Variants in STK11IP observed in about 807,000 individuals in gnomAD.
STK11IP encodes the protein serine/threonine kinase 11 interacting protein, also known as serine/threonine-protein kinase 11-interacting protein.
Under a neutral mutation model 131.7 loss-of-function variants are expected in STK11IP, and 103 were observed. The observed-to-expected ratio is 0.78, with a 90% CI of 0.67 to 0.92. STK11IP has a LOEUF of 0.92. Ranked by LOEUF, STK11IP falls within the 40% of genes least tolerant of loss-of-function variation. The pLI is 0.00. For synonymous variants in STK11IP, 557 were observed against 575.6 expected (o/e 0.97, Z 0.46); for missense variants, 1,315 against 1,385.7 (o/e 0.95, Z 0.81).
Position 219,612,051 on chromosome 2 carries a change from G to A in STK11IP, c.2432G>A (p.Cys811Tyr). The A allele has an allele frequency of 6.2e-7, 1 of 1,600,294 alleles. No individual in the cohort carries two copies. Among genetic ancestry groups the A allele is most frequent in the Non-Finnish European group, 8.5e-7 (1 of 1,174,108 alleles). The change falls in exon 19 of 25, where the codon TGC becomes TAC. Residue 811 changes from cysteine to tyrosine, a missense_variant. Physicochemically the swap from Cys to Tyr is radical, Grantham distance 194. Coordinates refer to ENST00000456909, the MANE Select transcript of STK11IP (RefSeq NM_052902.4). ...FSDAQEEFQC[C>Y]LKVPVALAGH... ...GATGCCCAGGAGGAGTTCCAGTGCT[G>A]CCTCAAGGTCTGTGCTCCCTGACAC... is the stretch of plus-strand genomic sequence containing the variant.
rs943830012 is a variant in STK11IP at position 219,606,459 on chromosome 2, T to C, written c.946-17T>C. ...GGGCCTACCACATACTCCCTCCCCC[T>C]TTTTGTCTTTGCTCAGTTCCTTCTC... is the stretch of plus-strand genomic sequence containing the variant. On this transcript the variant is annotated splice_polypyrimidine_tract_variant and intron_variant, in intron 10 of 24. Coordinates refer to ENST00000456909, the MANE Select transcript of STK11IP (RefSeq NM_052902.4). 1.2e-6 allele frequency: 2 copies of C among 1,608,806 alleles called. No homozygotes were observed. Among genetic ancestry groups the C allele is most frequent in the African/African-American group, 1.3e-5 (1 of 74,846 alleles).
intron 7 of STK11IP, among the ~76,000 whole-genome samples, chr2:219,604,784 C>T (rs1698096486): frequency 6.6e-6 from 1 of 151,218 alleles, no homozygotes; most frequent in Non-Finnish European, 1.5e-5. Context: ...CGGTTATTTC[C>T]CTGAACAGAG....
At chr2:219,606,662 A>G in intron 11 of STK11IP, 50 bp from the exon 12 acceptor site, 1 of 1,594,766 alleles carries the variant, frequency 6.3e-7, no homozygotes. Context: ...GGCAAGGCAG[A>G]GGTGCTCCCA....
chr2:219,615,532 C>T (rs76445422), intron 24 of STK11IP, among the ~76,000 whole-genome samples, 191 bp downstream of exon 24: 2 of 138,390 alleles, frequency 1.4e-5, no homozygotes, highest in African/African-American at 5.3e-5. Context: ...GTCAGGGAGG[C>T]AGCTGTAGGC....
In STK11IP at chr2:219,613,175, G is replaced by T; in HGVS notation, c.2487G>T (p.Val829=). 1 of 1,609,858 alleles carries T rather than the reference G, an allele frequency of 6.2e-7. No individual in the cohort carries two copies. Among genetic ancestry groups the T allele is most frequent in the Non-Finnish European group, 8.5e-7 (1 of 1,178,096 alleles). ...ACACTGGGGAGTTCATGTGCCTTGT[G>T]GTTGTGTCTGACCGCAGGCTGTACC... ...AGHTGEFMCL[V]VVSDRRLYLL... is the part of the protein sequence containing the mutation. Residue 829 remains valine, a synonymous_variant, in exon 20 of 25, where the codon GTG becomes GTT. Coordinates refer to ENST00000456909, the MANE Select transcript of STK11IP (RefSeq NM_052902.4).
At position 219,606,203 on chromosome 2, in the gene STK11IP, G is replaced by A. The variant is rs529674426; in HGVS notation, c.858G>A (p.Leu286=). Residue 286 remains leucine, a synonymous_variant, in exon 10 of 25, where the codon CTG becomes CTA. Coordinates refer to ENST00000456909, the MANE Select transcript of STK11IP (RefSeq NM_052902.4). ...WLLAELRKLY[L]EGNPLWFHPE... The stretch of plus-strand genomic sequence containing the variant: ...CCCTTCCTGCCCCTCAGCTCTACCT[G>A]GAGGGGAACCCTCTTTGGTTCCACC... The A allele has an allele frequency of 3.2e-6, 5 of 1,564,580 alleles. No homozygotes were observed. The East Asian group carries it at 1.2e-4, about 37-fold the overall frequency.
intron 9 of STK11IP, 59 bp downstream of exon 9, chr2:219,606,118 G>T: frequency 6.5e-7 from 1 of 1,544,632 alleles, no homozygotes; most frequent in South Asian, 1.2e-5. Context: ...CCCCCATGCT[G>T]GTTTGGTCAG....
In STK11IP at chr2:219,614,161, A is replaced by T; in HGVS notation, c.2717A>T (p.Asp906Val). The T allele has an allele frequency of 6.2e-7, 1 of 1,613,478 alleles. No individual in the cohort carries two copies. The highest frequency in any genetic ancestry group is 2.2e-5 in the East Asian group (1 of 44,888). Residue 906 changes from aspartate to valine, a missense_variant and splice_region_variant, in exon 22 of 25, where the codon GAT becomes GTT. Physicochemically the swap from Asp to Val is radical, Grantham distance 152. Coordinates refer to ENST00000456909, the MANE Select transcript of STK11IP (RefSeq NM_052902.4). The stretch of plus-strand genomic sequence containing the variant: ...AGTTCCCTGGCCTGCCTCTGTCTAG[A>T]TGTCTTGCAGTCTCTGCCCCCTGCC... ...HCRAFLEELL[D>V]VLQSLPPAWR...
At position 219,601,239 on chromosome 2, in the gene STK11IP, T is replaced by C; in HGVS notation, c.66T>C (p.Asp22=). Residue 22 remains aspartate (D), a synonymous_variant, in exon 3 of 25, where the codon GAT becomes GAC. Transcript: ENST00000456909. ...TGTTTGCCCCTTTTTCTGCAGGGGA[T>C]GTGGTCCTGTCTGGCTGTAGCACCC... is the stretch of plus-strand genomic sequence containing the variant. ...KLAGLLRESG[D]VVLSGCSTLS... is the part of the protein sequence containing the mutation. 1 of 1,611,364 alleles carries C rather than the reference T, an allele frequency of 6.2e-7. No individual in the cohort carries two copies. Among genetic ancestry groups the C allele is most frequent in the Non-Finnish European group, 8.5e-7 (1 of 1,177,746 alleles).
In STK11IP at chr2:219,609,414, G is replaced by T; in HGVS notation, c.1978G>T (p.Gly660Trp). ...PVTNVAREQLGEARDLLLGRF... is the reference protein window; with the variant it reads ...PVTNVAREQLWEARDLLLGRF... ...CACCAATGTGGCTCGGGAACAGCTTGGGGAGGCCAGGGACCTCCTGCTGGG... is the reference window on the plus strand; with the variant it reads ...CACCAATGTGGCTCGGGAACAGCTTTGGGAGGCCAGGGACCTCCTGCTGGG... The change falls in exon 17 of 25, where the codon GGG (glycine) becomes TGG (tryptophan). Residue 660 changes from glycine to tryptophan, a missense_variant. Transcript: ENST00000456909. 6.2e-7 allele frequency: 1 copy of T among 1,613,260 alleles called. No homozygotes were observed. The highest frequency in any genetic ancestry group is 1.3e-5 in the African/African-American group (1 of 75,064).
In STK11IP at chr2:219,597,931, T is replaced by G. The variant is rs927597859; in HGVS notation, c.-27+8T>G. 3 of 1,612,164 alleles carry G rather than the reference T, an allele frequency of 1.9e-6. No homozygotes were observed. Among genetic ancestry groups the G allele is most frequent in the Non-Finnish European group, 8.5e-7 (1 of 1,179,158 alleles). The stretch of plus-strand genomic sequence containing the variant: ...ACCAGACGGGGAGGTTCGGTATGTC[T>G]GACCAGGACTTATGTTCCTCGAAAG... On this transcript the variant is annotated splice_region_variant and intron_variant, in intron 1 of 24. Coordinates refer to ENST00000456909, the MANE Select transcript of STK11IP (RefSeq NM_052902.4).
In STK11IP at chr2:219,609,098, G is replaced by T. The variant is rs1698302364; in HGVS notation, c.1811G>T (p.Gly604Val). 3.1e-6 allele frequency: 5 copies of T among 1,592,288 alleles called. No individual in the cohort carries two copies. Among genetic ancestry groups the T allele is most frequent in the East Asian group, 2.3e-5 (1 of 43,810 alleles). ...AQAQRSPRPT[G>V]SDLLPGAPIL... ...CCCGGTCCCCCTCTTGCTGCGCAGG[G>T]CTCAGATCTGCTCCCTGGAGCCCCC... Residue 604 changes from glycine (G) to valine (V), a missense_variant and splice_region_variant, in exon 16 of 25, where the codon GGC becomes GTC. Physicochemically the swap from Gly to Val is moderately radical, Grantham distance 109. Coordinates refer to ENST00000456909, the MANE Select transcript of STK11IP (RefSeq NM_052902.4).
chr2:219,601,719 T>A lies in STK11IP; in HGVS notation c.342+4T>A. On this transcript the variant is annotated splice_donor_region_variant and intron_variant, in intron 4 of 24. Transcript: ENST00000456909. The stretch of plus-strand genomic sequence containing the variant: ...CAAATCCCTTCGGCACCTGGAGGTA[T>A]GGGGACACGGGGGGATGTTGGTGCA... 6.3e-7 allele frequency: 1 copy of A among 1,595,854 alleles called. No individual in the cohort carries two copies. The highest frequency in any genetic ancestry group is 8.5e-7 in the Non-Finnish European group (1 of 1,170,412).
chr2:219,602,153 T>G, intron 5 of STK11IP, 70 bp downstream of exon 5: 1 of 1,172,956 alleles, frequency 8.5e-7, no homozygotes. Flanking sequence ...TCTGATGTTC[T>G]CCCCTCTCTG....
At chr2:219,603,608 C>A (rs1193634593) in intron 7 of STK11IP, among the ~76,000 whole-genome samples, 1 of 151,648 alleles carries the variant, frequency 6.6e-6, no homozygotes, top group Non-Finnish European at 1.5e-5. Flanking sequence ...GCAAACTCAA[C>A]CTCCTGGGTT....
At position 219,607,156 on chromosome 2, in the gene STK11IP, A is replaced by T; in HGVS notation, c.1219+19A>T. ...CCGGCTGGTAAGTCAGCTTCATCCC[A>T]CTAACCTCTCTCGTCCCCAGCGAGC... On this transcript the variant is annotated intron_variant, in intron 13 of 24. Transcript: ENST00000456909. 1.2e-6 allele frequency: 2 copies of T among 1,612,424 alleles called. No homozygotes were observed. The highest frequency in any genetic ancestry group is 8.5e-7 in the Non-Finnish European group (1 of 1,178,656).
In STK11IP at chr2:219,607,008, T is replaced by C. The variant is rs2106155544; in HGVS notation, c.1135-45T>C. The stretch of plus-strand genomic sequence containing the variant: ...GATGGCCAGCCGTGGATGGCAGGGC[T>C]GGAGGCTTGGCTTTCACAGAACTTC... On this transcript the variant is annotated intron_variant, in intron 12 of 24. Coordinates refer to ENST00000456909, the MANE Select transcript of STK11IP (RefSeq NM_052902.4). 4 of 1,612,886 alleles carry C rather than the reference T, an allele frequency of 2.5e-6. No individual in the cohort carries two copies. The East Asian group carries it at 8.9e-5, about 36-fold the overall frequency.
chr2:219,611,728 C>T lies in STK11IP; in HGVS notation c.2229C>T (p.Ser743=). ...CTCTGGCTCCTTCTCCGTCTGCCAG[C>T]CCTGTCTGCCACCCTCCTGGCCATG... ...EQSLAPSPSA[S]PVCHPPGHGD... Residue 743 remains serine, a synonymous_variant, in exon 18 of 25, where the codon AGC becomes AGT. Coordinates refer to ENST00000456909, the MANE Select transcript of STK11IP (RefSeq NM_052902.4). 6.2e-7 allele frequency: 1 copy of T among 1,613,060 alleles called. No individual in the cohort carries two copies. Among genetic ancestry groups the T allele is most frequent in the Admixed American group, 1.7e-5 (1 of 60,032 alleles).
At position 219,615,079 on chromosome 2, in the gene STK11IP, C is replaced by T. The variant is rs201902466; in HGVS notation, c.2870-15C>T. Reference sequence around the variant, plus strand: ...CCTCCATGACCTTCCACACTGGATGCCTCTTTCCCTGCAGGCCCTTCCACC... The same window carrying T: ...CCTCCATGACCTTCCACACTGGATGTCTCTTTCCCTGCAGGCCCTTCCACC... On this transcript the variant is annotated splice_polypyrimidine_tract_variant and intron_variant, in intron 23 of 24. Coordinates refer to ENST00000456909, the MANE Select transcript of STK11IP (RefSeq NM_052902.4). 163 of 1,604,078 alleles carry T rather than the reference C, an allele frequency of 1.0e-4. 1 individual carries two copies. In the African/African-American group the frequency reaches 1.9e-3, roughly 19 times the overall value.
Sources: allele counts gnomAD v4.1 joint callset (sites outside exome capture counted in the v4.1 genomes callset), GRCh38; gene constraint gnomAD v4.1.1; transcripts MANE v1.5; gene names NCBI Gene and HGNC (gene_info 2026-07-23, HGNC 2026-07-21).